Variants in DAB1 observed in about 807,000 individuals in gnomAD.
The protein encoded by DAB1 is disabled homolog 1.
DAB1 carries 15 observed loss-of-function variants against 64.6 expected under a neutral mutation model. The ratio of observed to expected loss-of-function variants is 0.23; its 90% CI spans 0.16 to 0.36. The LOEUF (loss-of-function observed/expected upper bound fraction) is 0.36, where lower values mean the gene tolerates loss of function less well. DAB1 is among the 10% of genes least tolerant of loss of function. The pLI is 1.00. For synonymous variants in DAB1, 235 were observed against 251.9 expected, an observed-to-expected ratio of 0.93 and a Z score of 0.64; for missense variants, 596 against 706.7, an observed-to-expected ratio of 0.84 and a Z score of 1.78.
chr1:57,337,881 C>T (rs2100817646), intron 1 of DAB1, among the ~76,000 whole-genome samples: 1 of 58,496 alleles, frequency 1.7e-5, no homozygotes, highest in African/African-American at 6.5e-5. Context: ...CCCTCCCCTC[C>T]CTTCCCTTCC....
chr1:58,234,737 T>C (rs1260801273), intron 4 of DAB1, among the ~76,000 whole-genome samples: 2 of 152,156 alleles, frequency 1.3e-5, no homozygotes, highest in Non-Finnish European at 2.9e-5. Context: ...TTCCCTAGGA[T>C]CAGACTTCCT....
At chr1:57,175,040 G>T (rs1340854325) in intron 2 of DAB1, among the ~76,000 whole-genome samples, 1 of 152,114 alleles carries the variant, frequency 6.6e-6, no homozygotes, top group Non-Finnish European at 1.5e-5. Flanking sequence ...CACGGACTCA[G>T]AAGGACGCGA....
intron 5 of DAB1, among the ~76,000 whole-genome samples, chr1:58,126,519 A>G (rs543770593): frequency 3.3e-5 from 5 of 150,944 alleles, no homozygotes; most frequent in Non-Finnish European, 5.9e-5. Flanking sequence ...GGTTAGTTAC[A>G]TATGTATACA....
At chr1:57,928,968 C>T (rs1208114233) in intron 5 of DAB1, among the ~76,000 whole-genome samples, 1 of 152,166 alleles carries the variant, frequency 6.6e-6, no homozygotes, top group Admixed American at 6.5e-5. Flanking sequence ...AGCACAATTG[C>T]GGGGTCAAAT....
intron 2 of DAB1, among the ~76,000 whole-genome samples, chr1:57,282,246 C>T (rs1286411223): frequency 1.4e-5 from 2 of 147,086 alleles, no homozygotes; most frequent in Admixed American, 6.8e-5. Flanking sequence ...GAACAGGAGT[C>T]GCCAAGAGCA....
chr1:57,257,558 C>T (rs1270359154), intron 2 of DAB1, among the ~76,000 whole-genome samples: 2 of 152,168 alleles, frequency 1.3e-5, no homozygotes, highest in Admixed American at 1.3e-4. Flanking sequence ...TGATCTATGT[C>T]TTTTATTGAC....
At chr1:57,488,401 CAA>C (rs11455708) in intron 7 of DAB1, among the ~76,000 whole-genome samples, 22,265 of 73,234 alleles carry the variant, frequency 0.3, 1,851 homozygotes, top group Non-Finnish European at 0.4. Context: ...GATTCCGTCT[CAA>C]AAAAAAAAAA....
At chr1:58,311,991 A>G (rs1662441693) in intron 4 of DAB1, among the ~76,000 whole-genome samples, 2 of 152,172 alleles carry the variant, frequency 1.3e-5, no homozygotes, top group South Asian at 4.1e-4. Context: ...AAACCCAGGT[A>G]TGGCTTTCTG....
intron 4 of DAB1, among the ~76,000 whole-genome samples, chr1:58,160,288 A>G (rs1655459122): frequency 6.6e-6 from 1 of 152,140 alleles, no homozygotes. Flanking sequence ...GTTCTATCAG[A>G]GAGTTTCAGC....
intron 7 of DAB1, among the ~76,000 whole-genome samples, chr1:57,537,389 A>G (rs1322860734): frequency 1.3e-5 from 2 of 152,224 alleles, no homozygotes; most frequent in Non-Finnish European, 2.9e-5. Flanking sequence ...TCCAACGGCT[A>G]TGATCACCCC....
intron 2 of DAB1, among the ~76,000 whole-genome samples, chr1:58,511,436 C>G (rs929966758): frequency 5.3e-5 from 8 of 152,000 alleles, no homozygotes; most frequent in African/African-American, 1.9e-4. Flanking sequence ...TTGCTTGAGA[C>G]CAGGAGTCCA....
At chr1:57,539,992 C>T (rs956420157) in intron 7 of DAB1, among the ~76,000 whole-genome samples, 4 of 152,052 alleles carry the variant, frequency 2.6e-5, no homozygotes, top group African/African-American at 9.7e-5. Context: ...TTTTGGTGGC[C>T]GTGCAAAACC....
At chr1:58,097,705 A>G (rs1651070097) in intron 5 of DAB1, among the ~76,000 whole-genome samples, 1 of 152,168 alleles carries the variant, frequency 6.6e-6, no homozygotes, top group Admixed American at 6.5e-5. Flanking sequence ...GTTCCGAGGT[A>G]GGGGGTGTTG....
chr1:58,300,795 T>C (rs1195300715), intron 4 of DAB1, among the ~76,000 whole-genome samples: 1 of 151,824 alleles, frequency 6.6e-6, no homozygotes, highest in African/African-American at 2.4e-5. Flanking sequence ...AACCAATGCA[T>C]ACAGTTCTGC....
In DAB1 at chr1:57,387,821, C is replaced by CAAAAAA. The variant is rs55950458; in HGVS notation, c.-137+36103_-137+36108dup. On this transcript the variant is annotated intron_variant, in intron 1 of 14. Transcript: ENST00000371236. ...TGGGTGACAGAGCAAGACTCAGCCT[C>CAAAAAA]AAAAAAAAAAAAAAAAAAGAGAGAG... is the stretch of plus-strand genomic sequence containing the variant. Among the ~76,000 whole-genome samples the CAAAAAA allele has an allele frequency of 1.8e-3, 186 of 104,174 alleles. 1 individual carries two copies. The highest frequency in any genetic ancestry group is 2.4e-3 in the African/African-American group (68 of 28,214). 68.3% of individuals were successfully genotyped at this position (104,174 alleles called of 152,430 possible).
chr1:58,452,120 A>AG (rs760901393), intron 3 of DAB1, among the ~76,000 whole-genome samples: 6 of 151,424 alleles, frequency 4.0e-5, no homozygotes, highest in Admixed American at 4.0e-4. Context: ...TTTAGTTGAG[A>AG]GGGGGGTTTC....
chr1:57,366,098 GC>G (rs1216300989), intron 1 of DAB1, among the ~76,000 whole-genome samples: 1 of 152,150 alleles, frequency 6.6e-6, no homozygotes, highest in Non-Finnish European at 1.5e-5. Flanking sequence ...TGCAGGACCA[GC>G]TTTAGCCAAG....
intron 1 of DAB1, among the ~76,000 whole-genome samples, chr1:57,353,173 A>T (rs77665430): frequency 0.079 from 12,017 of 151,514 alleles, 528 homozygotes; most frequent in Middle Eastern, 0.12. Context: ...CTGTATCTCT[A>T]GAGAAACCTG....
intron 5 of DAB1, among the ~76,000 whole-genome samples, chr1:58,014,551 A>G (rs893031983): frequency 2.0e-5 from 3 of 152,216 alleles, no homozygotes; most frequent in African/African-American, 7.2e-5. Flanking sequence ...GTCTTCCACC[A>G]TGCTGTCAAG....
Sources: gnomAD v4.1 joint callset for allele counts (sites outside exome capture counted in the v4.1 genomes callset) on GRCh38, gnomAD v4.1.1 for gene constraint, MANE v1.5 for transcripts, NCBI Gene and HGNC (gene_info 2026-07-23, HGNC 2026-07-21) for gene names.